FRMPD4: variants seen among roughly 807,000 people sequenced by gnomAD.
FRMPD4 encodes FERM and PDZ domain containing 4.
In FRMPD4, 22 loss-of-function variants were observed where a neutral mutation model predicts 94.1. The ratio of observed to expected loss-of-function variants is 0.23; its 90% CI spans 0.17 to 0.33. The LOEUF (loss-of-function observed/expected upper bound fraction) is 0.33, where lower values mean the gene tolerates loss of function less well. FRMPD4 is among the 10% of genes least tolerant of loss of function. The probability of loss-of-function intolerance (pLI) is 1.00; values close to 1 mark genes in which losing one functional copy is unlikely to be tolerated. For missense variants in FRMPD4, 1,111 were observed against 1,339.9 expected, an observed-to-expected ratio of 0.83 and a Z score of 2.67; for synonymous variants, 631 against 548.6, an observed-to-expected ratio of 1.15 and a Z score of -2.10.
chrX:11,909,988 G>T (rs993729415), intron 3 of FRMPD4, among the ~76,000 whole-genome samples: 1 of 111,646 alleles, frequency 9.0e-6, no homozygotes, highest in African/African-American at 3.3e-5. Context: ...ATACTTGAAA[G>T]TATGTTCTTG....
chrX:11,900,780 G>A (rs1400228957), intron 3 of FRMPD4, among the ~76,000 whole-genome samples: 1 of 111,535 alleles, frequency 9.0e-6, no homozygotes, highest in Admixed American at 9.4e-5. Context: ...GGGTGGTAGT[G>A]GGGGGATGCT....
Position 12,408,682 on chromosome X carries a change from G to A in FRMPD4, c.42-89998G>A, listed in dbSNP as rs374685415. Among the ~76,000 whole-genome samples the A allele has an allele frequency of 3.4e-4, 38 of 111,451 alleles. No homozygotes were observed. In the East Asian group the frequency reaches 9.4e-3, roughly 27 times the overall value. On this transcript the variant is annotated intron_variant, in intron 1 of 16. Coordinates refer to ENST00000675598, the MANE Select transcript of FRMPD4 (RefSeq NM_001368397.1). ...AGTAAATGGTGCCCAATCATTTGGGGTCTTTTGATTGCAAAGAACAAAAAC... is the reference window on the plus strand; with the variant it reads ...AGTAAATGGTGCCCAATCATTTGGGATCTTTTGATTGCAAAGAACAAAAAC...
chrX:12,436,648 CTCT>C (rs1390594702), intron 1 of FRMPD4, among the ~76,000 whole-genome samples: 1 of 111,409 alleles, frequency 9.0e-6, no homozygotes, highest in Admixed American at 9.5e-5. Context: ...GTATTTTTCT[CTCT>C]TCTTTAACCA....
chrX:12,059,004 A>AT (rs3038292), intron 3 of FRMPD4, among the ~76,000 whole-genome samples: 25 of 110,210 alleles, frequency 2.3e-4, no homozygotes, highest in Non-Finnish European at 3.8e-4. Context: ...ATTCTATGTC[A>AT]TTTTTTTACA....
In FRMPD4 at chrX:12,199,723, A is replaced by G. The variant is rs138840813; in HGVS notation, c.41+60711A>G. 1.1e-3 allele frequency among the ~76,000 whole-genome samples: 118 copies of G among 111,472 alleles called. 1 individual carries two copies. The East Asian group carries it at 0.029, about 28-fold the overall frequency. ...CAGAGCCAATTTATCAAGACAAGGG[A>G]ATTGCAATAGAGAAAGAGTTTAATT... On this transcript the variant is annotated intron_variant, in intron 1 of 16. Transcript: ENST00000675598.
chrX:12,016,517 C>A (rs767228723), intron 3 of FRMPD4, among the ~76,000 whole-genome samples: 1 of 111,867 alleles, frequency 8.9e-6, no homozygotes, highest in African/African-American at 3.2e-5. Flanking sequence ...TACCTAATCC[C>A]TTTTCATCTA....
chrX:12,544,165 A>G (rs2058449654), intron 2 of FRMPD4, among the ~76,000 whole-genome samples: 1 of 109,924 alleles, frequency 9.1e-6, no homozygotes, highest in African/African-American at 3.3e-5. Context: ...CAGCACACCA[A>G]CATGGCACAT....
chrX:12,715,604 A>T (rs992678580), intron 14 of FRMPD4, among the ~76,000 whole-genome samples: 5 of 112,364 alleles, frequency 4.4e-5, no homozygotes, highest in African/African-American at 1.3e-4. Context: ...TGAGGAAAAC[A>T]CTCAATATCT....
intron 1 of FRMPD4, among the ~76,000 whole-genome samples, chrX:12,179,618 G>A (rs891498981): frequency 1.6e-4 from 18 of 111,451 alleles, no homozygotes; most frequent in Non-Finnish European, 2.5e-4. Context: ...AAAATGTTGG[G>A]TGGGAGAACT....
At chrX:11,822,883 A>G (rs2053420652) in intron 1 of FRMPD4, among the ~76,000 whole-genome samples, 1 of 112,094 alleles carries the variant, frequency 8.9e-6, no homozygotes, top group Admixed American at 9.4e-5. Flanking sequence ...TGTGCCATTT[A>G]CTAATTTATT....
intron 2 of FRMPD4, among the ~76,000 whole-genome samples, chrX:12,586,537 A>G (rs1294438834): frequency 8.9e-6 from 1 of 112,628 alleles, no homozygotes; most frequent in Admixed American, 9.4e-5. Flanking sequence ...AGCTATTGAA[A>G]TTAATAAGCG....
chrX:12,676,631 A>G (rs1220030682), intron 5 of FRMPD4, among the ~76,000 whole-genome samples: 3 of 112,505 alleles, frequency 2.7e-5, no homozygotes, highest in Non-Finnish European at 5.6e-5. Flanking sequence ...AAAAGAAAGA[A>G]GAGTTTTACA....
chrX:12,417,466 C>A (rs1371888285), intron 1 of FRMPD4, among the ~76,000 whole-genome samples: 2 of 106,325 alleles, frequency 1.9e-5, no homozygotes, highest in African/African-American at 6.9e-5. Flanking sequence ...GTAATCCCAG[C>A]TACTTGGGGG....
chrX:11,904,679 C>G (rs1048431582), intron 3 of FRMPD4, among the ~76,000 whole-genome samples: 5 of 111,752 alleles, frequency 4.5e-5, no homozygotes, highest in Non-Finnish European at 9.4e-5. Flanking sequence ...ACTCATCAGC[C>G]ACCTTTTAAG....
intron 3 of FRMPD4, among the ~76,000 whole-genome samples, chrX:12,004,852 C>T (rs928271812): frequency 9.0e-6 from 1 of 111,007 alleles, no homozygotes; most frequent in African/African-American, 3.3e-5. Flanking sequence ...GCCTGCTGGC[C>T]TGGCACTCTG....
chrX:11,832,091 C>T (rs2053478134), intron 1 of FRMPD4, among the ~76,000 whole-genome samples: 1 of 111,594 alleles, frequency 9.0e-6, no homozygotes, highest in Admixed American at 9.5e-5. Flanking sequence ...TGTTTTTGTC[C>T]TCCAGGAACT....
chrX:12,080,346 GTCC>G (rs2055052629), intron 3 of FRMPD4, among the ~76,000 whole-genome samples: 1 of 112,165 alleles, frequency 8.9e-6, no homozygotes, highest in Non-Finnish European at 1.9e-5. Context: ...AACATATGTG[GTCC>G]TCCTTCTAAT....
intron 1 of FRMPD4, among the ~76,000 whole-genome samples, chrX:11,864,827 G>T (rs2053709086): frequency 9.0e-6 from 1 of 110,512 alleles, no homozygotes; most frequent in African/African-American, 3.3e-5. Context: ...TAGTAAAATG[G>T]ATTTTTTTTT....
chrX:12,369,562 A>G (rs1040303466), intron 1 of FRMPD4, among the ~76,000 whole-genome samples: 1 of 112,712 alleles, frequency 8.9e-6, no homozygotes, highest in Non-Finnish European at 1.9e-5. Context: ...ATAGGTCTAT[A>G]TAAAATACCA....
Sources: allele counts gnomAD v4.1 joint callset (sites outside exome capture counted in the v4.1 genomes callset), GRCh38; gene constraint gnomAD v4.1.1; transcripts MANE v1.5; gene names NCBI Gene and HGNC (gene_info 2026-07-23, HGNC 2026-07-21).